The following NEK1 variants were observed in gnomAD, a reference collection of about 807,000 sequenced individuals.
The protein encoded by NEK1 is NIMA related kinase 1.
In NEK1, 137 loss-of-function variants were observed where a neutral mutation model predicts 182.1. That is an observed-to-expected ratio of 0.75 (90% CI 0.65 to 0.87). NEK1 has a LOEUF of 0.87. Ranked by LOEUF, NEK1 falls within the 40% of genes least tolerant of loss-of-function variation. The pLI, the probability that NEK1 is intolerant of heterozygous loss-of-function variation, is 0.00. For missense variants in NEK1, 1,391 were observed against 1,494.4 expected (o/e 0.93, Z 1.14); for synonymous variants, 513 against 492.2 (o/e 1.04, Z -0.56).
intron 29 of NEK1, among the ~76,000 whole-genome samples, chr4:169,433,207 G>GT (rs1204957233): frequency 6.6e-6 from 1 of 151,366 alleles, no homozygotes; most frequent in Non-Finnish European, 1.5e-5. Context: ...CTATAGGCAC[G>GT]TGCCACCATG....
intron 23 of NEK1, among the ~76,000 whole-genome samples, chr4:169,501,399 C>T (rs1752401873): frequency 1.3e-5 from 2 of 152,094 alleles, no homozygotes; most frequent in Admixed American, 1.3e-4. Context: ...ACCAGTTGGT[C>T]CTAATTAGCA....
intron 12 of NEK1, among the ~76,000 whole-genome samples, chr4:169,568,845 G>A (rs1013877463): frequency 6.6e-6 from 1 of 151,312 alleles, no homozygotes; most frequent in African/African-American, 2.4e-5. Flanking sequence ...GCTGAGGCAG[G>A]AGAATTGCCT....
At chr4:169,450,264 T>C (rs558663043) in intron 27 of NEK1, among the ~76,000 whole-genome samples, 3 of 152,226 alleles carry the variant, frequency 2.0e-5, no homozygotes, top group East Asian at 1.9e-4. Context: ...TCCAGGATAT[T>C]ATCCAGGAGA....
chr4:169,609,729 C>G (rs2150169122), intron 2 of NEK1, among the ~76,000 whole-genome samples: 1 of 152,178 alleles, frequency 6.6e-6, no homozygotes, highest in South Asian at 2.1e-4. Context: ...AAAGATTTTT[C>G]AATCTTTTGT....
intron 31 of NEK1, among the ~76,000 whole-genome samples, chr4:169,413,822 G>A (rs1278207353): frequency 6.6e-6 from 1 of 152,184 alleles, no homozygotes; most frequent in Non-Finnish European, 1.5e-5. Context: ...TTCAAGATGA[G>A]CCTGGGCTAC....
At chr4:169,579,597 TGGCCAACAG>T (rs1766266459) in intron 11 of NEK1, among the ~76,000 whole-genome samples, 1 of 152,160 alleles carries the variant, frequency 6.6e-6, no homozygotes, top group South Asian at 2.1e-4. Context: ...GAGACCATCC[TGGCCAACAG>T]GGTGAAACCC....
chr4:169,539,903 G>A (rs535508887), intron 18 of NEK1, among the ~76,000 whole-genome samples: 1 of 152,194 alleles, frequency 6.6e-6, no homozygotes, highest in South Asian at 2.1e-4. Context: ...TGTGTCCAGT[G>A]ATTGTTAGCC....
intron 35 of NEK1, among the ~76,000 whole-genome samples, chr4:169,399,580 C>A (rs13130307): frequency 3.7e-4 from 55 of 148,964 alleles, no homozygotes; most frequent in African/African-American, 1.1e-3. Flanking sequence ...TCAAAAAAAA[C>A]AAAAAAAAAT....
intron 19 of NEK1, among the ~76,000 whole-genome samples, chr4:169,523,105 T>C (rs2149757498): frequency 6.6e-6 from 1 of 152,334 alleles, no homozygotes; most frequent in East Asian, 1.9e-4. Flanking sequence ...AGTGAGTCTA[T>C]GCCATTCTTT....
chr4:169,571,105 A>C (rs1580855596), intron 12 of NEK1, among the ~76,000 whole-genome samples: 1 of 151,730 alleles, frequency 6.6e-6, no homozygotes, highest in Non-Finnish European at 1.5e-5. Context: ...TTATCTGCTG[A>C]CCTTCCCTCC....
chr4:169,607,745 G>T (rs1771618931), intron 2 of NEK1, among the ~76,000 whole-genome samples: 1 of 152,114 alleles, frequency 6.6e-6, no homozygotes, highest in Non-Finnish European at 1.5e-5. Context: ...TGACAGGTGT[G>T]AGCCACCGCG....
intron 5 of NEK1, among the ~76,000 whole-genome samples, chr4:169,596,038 C>A (rs553444568): frequency 1.7e-4 from 26 of 151,900 alleles, no homozygotes; most frequent in Middle Eastern, 3.4e-3. Context: ...ATGGTAAAGT[C>A]ACTTTCTAGC....
At position 169,526,491 on chromosome 4, in the gene NEK1, TA is replaced by T. The variant is rs766596273; in HGVS notation, c.1665+11317del. On this transcript the variant is annotated intron_variant, in intron 19 of 35. Coordinates refer to ENST00000507142, the MANE Select transcript of NEK1 (RefSeq NM_001199397.3). The stretch of plus-strand genomic sequence containing the variant: ...GGGTGACAGAGGGAAACCCCGTCTC[TA>T]AAAAAAACAAAAATAAAAGTAAACA... Among the ~76,000 whole-genome samples the T allele has an allele frequency of 9.2e-5, 14 of 151,822 alleles. No homozygotes were observed. In the South Asian group the frequency reaches 2.5e-3, roughly 27 times the overall value.
chr4:169,463,007 C>T (rs895701290), intron 27 of NEK1, among the ~76,000 whole-genome samples: 17 of 152,030 alleles, frequency 1.1e-4, no homozygotes, highest in Non-Finnish European at 2.5e-4. Context: ...TCCAACTCCA[C>T]CCATACACAC....
chr4:169,457,076 G>A (rs1044110803), intron 27 of NEK1, among the ~76,000 whole-genome samples: 1 of 152,124 alleles, frequency 6.6e-6, no homozygotes, highest in Admixed American at 6.5e-5. Context: ...TGGTGGTGGT[G>A]GGTGGTGGGG....
intron 29 of NEK1, among the ~76,000 whole-genome samples, chr4:169,429,736 T>C (rs1409978275): frequency 6.6e-6 from 1 of 152,194 alleles, no homozygotes; most frequent in Non-Finnish European, 1.5e-5. Context: ...CGATGCCCTG[T>C]AACTCCTAAA....
rs886059227 is a variant in NEK1, at chr4:169,424,700, G to A, written c.3075C>T (p.Asn1025=). The change falls in exon 31 of 36, where the codon AAC becomes AAT. Residue 1025 remains asparagine (N), a synonymous_variant. Transcript: ENST00000507142. ...FHKVVHSEHL[N]LVPQVQSVQC... The stretch of plus-strand genomic sequence containing the variant: ...GAACTGATTGAACTTGAGGGACTAA[G>A]TTCAAGTGTTCAGAATGAACCACCT... The A allele has an allele frequency of 5.0e-6, 8 of 1,613,902 alleles. No homozygotes were observed. Among genetic ancestry groups the A allele is most frequent in the Non-Finnish European group, 6.8e-6 (8 of 1,179,836 alleles).
At chr4:169,440,510 G>C (rs1561191219) in intron 27 of NEK1, among the ~76,000 whole-genome samples, 1 of 152,200 alleles carries the variant, frequency 6.6e-6, no homozygotes, top group Non-Finnish European at 1.5e-5. Context: ...CCTGGCACTT[G>C]TCTGTTCCAC....
rs141704121 is a variant in NEK1, at chr4:169,544,125, T to C, written c.1563-6214A>G. Among the ~76,000 whole-genome samples the C allele has an allele frequency of 8.2e-3, 1,245 of 152,332 alleles. 12 individuals carry two copies. The highest frequency in any genetic ancestry group is 0.014 in the Non-Finnish European group (947 of 68,024). On this transcript the variant is annotated intron_variant, in intron 18 of 35. Coordinates refer to ENST00000507142, the MANE Select transcript of NEK1 (RefSeq NM_001199397.3). ...ATATTGGCTGTGGGTTTGTCATAAA[T>C]AGCTCTTATTAAGATCTGTTCCATC... is the stretch of plus-strand genomic sequence containing the variant.
Sources: gnomAD v4.1 joint callset for allele counts (sites outside exome capture counted in the v4.1 genomes callset) on GRCh38, gnomAD v4.1.1 for gene constraint, MANE v1.5 for transcripts, NCBI Gene and HGNC (gene_info 2026-07-23, HGNC 2026-07-21) for gene names.